Variants in MTSS1 observed in about 807,000 individuals in gnomAD.
MTSS1 encodes MTSS I-BAR domain containing 1.
MTSS1 carries 18 observed loss-of-function variants against 79.0 expected under a neutral mutation model. The observed-to-expected ratio is 0.23, with a 90% CI of 0.16 to 0.34. MTSS1 has a LOEUF of 0.34. Among genes scored for constraint, MTSS1 ranks in the 10% least tolerant of loss-of-function variants. The pLI, the probability that MTSS1 is intolerant of heterozygous loss-of-function variation, is 1.00. For missense variants in MTSS1, 815 were observed against 986.2 expected (o/e 0.83, Z 2.33); for synonymous variants, 341 against 368.6 (o/e 0.93, Z 0.86).
chr8:124,641,088 A>G (rs1817960594), intron 3 of MTSS1, among the ~76,000 whole-genome samples: 2 of 151,880 alleles, frequency 1.3e-5, no homozygotes, highest in African/African-American at 2.4e-5. Context: ...CTGGGGGAAA[A>G]CCCGCAACTG....
intron 3 of MTSS1, among the ~76,000 whole-genome samples, chr8:124,660,842 A>G (rs16899942): frequency 0.036 from 5,531 of 152,286 alleles, 131 homozygotes; most frequent in South Asian, 0.086. Context: ...TCTCCTCTAT[A>G]CTAAGCAGCC....
intron 3 of MTSS1, among the ~76,000 whole-genome samples, chr8:124,631,372 T>C (rs190196267): frequency 6.6e-6 from 1 of 152,362 alleles, no homozygotes; most frequent in Admixed American, 6.5e-5. Flanking sequence ...TGAGCCCTTC[T>C]GGACCCTAAA....
intron 3 of MTSS1, among the ~76,000 whole-genome samples, chr8:124,606,171 GT>G (rs11351219): frequency 0.37 from 32,516 of 88,828 alleles, 4,015 homozygotes; most frequent in South Asian, 0.49. Flanking sequence ...TTGGTTTTTT[GT>G]TTTTTTTTTT....
At chr8:124,574,767 C>A (rs944756917) in intron 6 of MTSS1, among the ~76,000 whole-genome samples, 9 of 152,154 alleles carry the variant, frequency 5.9e-5, no homozygotes, top group African/African-American at 2.2e-4. Context: ...CAGGAGTCAG[C>A]AAAACACCCC....
intron 1 of MTSS1, among the ~76,000 whole-genome samples, chr8:124,713,484 T>C (rs1293207349): frequency 1.3e-5 from 2 of 152,210 alleles, no homozygotes; most frequent in African/African-American, 2.4e-5. Context: ...GGTGCAGTGA[T>C]GTGATCTTGG....
At chr8:124,600,537 G>T (rs1243454556) in intron 3 of MTSS1, among the ~76,000 whole-genome samples, 1 of 152,196 alleles carries the variant, frequency 6.6e-6, no homozygotes, top group East Asian at 1.9e-4. Context: ...AAAATAAGGA[G>T]CACTGGTTAC....
intron 3 of MTSS1, among the ~76,000 whole-genome samples, chr8:124,658,303 G>T (rs10956193): frequency 4.2e-4 from 64 of 152,002 alleles, no homozygotes; most frequent in African/African-American, 1.4e-3. Flanking sequence ...GACTCATGAG[G>T]TCTGATGTTT....
At chr8:124,615,963 G>A (rs1051324995) in intron 3 of MTSS1, among the ~76,000 whole-genome samples, 2 of 152,168 alleles carry the variant, frequency 1.3e-5, no homozygotes, top group Non-Finnish European at 2.9e-5. Flanking sequence ...CGGGCCCCAT[G>A]GCCTTCGACC....
intron 3 of MTSS1, among the ~76,000 whole-genome samples, chr8:124,686,869 C>T (rs996634638): frequency 2.0e-5 from 3 of 152,108 alleles, no homozygotes; most frequent in African/African-American, 7.2e-5. Context: ...ATACACACTC[C>T]AGAAACTTAT....
intron 3 of MTSS1, among the ~76,000 whole-genome samples, chr8:124,692,886 C>A (rs929730773): frequency 6.6e-6 from 1 of 152,092 alleles, no homozygotes; most frequent in African/African-American, 2.4e-5. Context: ...AGATACTCAG[C>A]ATCTGGGAAA....
At chr8:124,577,029 A>C (rs975611984) in intron 6 of MTSS1, among the ~76,000 whole-genome samples, 1 of 152,202 alleles carries the variant, frequency 6.6e-6, no homozygotes, top group African/African-American at 2.4e-5. Flanking sequence ...CACCCAGGGC[A>C]TTCTGAGACC....
At chr8:124,704,222 C>T in intron 1 of MTSS1, 31 bp from the exon 2 acceptor site, 1 of 1,587,680 alleles carries the variant, frequency 6.3e-7, no homozygotes, top group African/African-American at 1.3e-5. Context: ...CAGTAAGTCA[C>T]ACTGCGATAG....
intron 10 of MTSS1, among the ~76,000 whole-genome samples, chr8:124,560,954 T>C (rs1414503760): frequency 6.6e-6 from 1 of 152,220 alleles, no homozygotes; most frequent in Non-Finnish European, 1.5e-5. Flanking sequence ...CTCCTAGATG[T>C]ATGCCCCCTT....
chr8:124,635,637 T>A (rs1330618142), intron 3 of MTSS1, among the ~76,000 whole-genome samples: 3 of 152,184 alleles, frequency 2.0e-5, no homozygotes, highest in Non-Finnish European at 4.4e-5. Flanking sequence ...CATGCTAAGT[T>A]GCTTGAGGCT....
chr8:124,602,563 T>C (rs888644165), intron 3 of MTSS1, among the ~76,000 whole-genome samples: 1 of 152,158 alleles, frequency 6.6e-6, no homozygotes, highest in Non-Finnish European at 1.5e-5. Flanking sequence ...TCCTGAGCCA[T>C]GTGAGGCCTG....
chr8:124,592,455 TG>T (rs2132715731), intron 3 of MTSS1, among the ~76,000 whole-genome samples: 1 of 152,344 alleles, frequency 6.6e-6, no homozygotes, highest in South Asian at 2.1e-4. Flanking sequence ...CACAGGGATC[TG>T]TGGCAGGTTT....
chr8:124,576,984 G>A lies in MTSS1; in HGVS notation c.460+8103C>T, dbSNP rs367780580. Among the ~76,000 whole-genome samples the A allele has an allele frequency of 6.6e-5, 10 of 152,320 alleles. No individual in the cohort carries two copies. In the East Asian group the frequency reaches 1.9e-3, roughly 29 times the overall value. ...GAATGCAGCCACAGGGAAGTCAGGT[G>A]CACTGCACCTTAACAGTCCTATTGT... is the stretch of plus-strand genomic sequence containing the variant. On this transcript the variant is annotated intron_variant, in intron 6 of 13. Transcript: ENST00000518547.
rs554833290 is a variant in MTSS1 at position 124,727,221 on chromosome 8, C to T, written c.72+663G>A. 6.6e-6 allele frequency among the ~76,000 whole-genome samples: 1 copy of T among 152,316 alleles called. No homozygotes were observed. The highest frequency in any genetic ancestry group is 2.4e-5 in the African/African-American group (1 of 41,598). ...AGTTATTTCGGGGGCCCCAATCTTG[C>T]CTTTAGGCTCAGCTGGGAGAAGGCG... is the stretch of plus-strand genomic sequence containing the variant. On this transcript the variant is annotated intron_variant, in intron 1 of 13. Transcript: ENST00000518547. The surrounding 1 kb of genome is among the most constrained non-coding windows in gnomAD (Gnocchi z 4.7).
At chr8:124,560,052 T>C (rs1824950551) in intron 10 of MTSS1, among the ~76,000 whole-genome samples, 1 of 152,176 alleles carries the variant, frequency 6.6e-6, no homozygotes, top group Admixed American at 6.5e-5. Context: ...TGGGGCTCAG[T>C]GGACCCAAAG....
Sources: allele counts gnomAD v4.1 joint callset (sites outside exome capture counted in the v4.1 genomes callset), GRCh38; gene constraint gnomAD v4.1.1; non-coding constraint Gnocchi (gnomAD v3.1); transcripts MANE v1.5; gene names NCBI Gene and HGNC (gene_info 2026-07-23, HGNC 2026-07-21).